Variants in TRMT1 observed in about 807,000 individuals in gnomAD.
The protein encoded by TRMT1 is tRNA methyltransferase 1, also known as tRNA (guanine(26)-N(2))-dimethyltransferase.
A neutral mutation model predicts 75.4 loss-of-function variants in TRMT1; 63 were observed. That is an observed-to-expected ratio of 0.84 (90% CI 0.68 to 1.03). TRMT1 has a LOEUF of 1.03. Ranked by LOEUF, TRMT1 falls within the 50% of genes least tolerant of loss-of-function variation. The probability of loss-of-function intolerance (pLI) is 0.00; values close to 1 mark genes in which losing one functional copy is unlikely to be tolerated. For missense variants in TRMT1, 870 were observed against 905.3 expected (o/e 0.96, Z 0.50); for synonymous variants, 382 against 358.1 (o/e 1.07, Z -0.75).
Position 13,105,389 on chromosome 19 carries a change from C to T in TRMT1, c.1711G>A (p.Ala571Thr). The T allele has an allele frequency of 6.2e-7, 1 of 1,613,710 alleles. No individual in the cohort carries two copies. ...PRPRARPGGKAADEAMEERRR... is the reference protein window; with the variant it reads ...PRPRARPGGKTADEAMEERRR... Reference sequence around the variant, plus strand: ...CTCTCCTCCATAGCTTCGTCGGCCGCCTTGCCCCTGTGCGAGGGGAGGAGT... The same window carrying T: ...CTCTCCTCCATAGCTTCGTCGGCCGTCTTGCCCCTGTGCGAGGGGAGGAGT... Residue 571 changes from alanine (A) to threonine (T), a missense_variant, in exon 16 of 17, where the codon GCG (alanine) becomes ACG (threonine). By Grantham distance (58) the Ala-to-Thr change is moderately conservative. Transcript: ENST00000357720.
At chr19:13,111,757 T>A (rs1336011294) in intron 7 of TRMT1, among the ~76,000 whole-genome samples, 1 of 149,708 alleles carries the variant, frequency 6.7e-6, no homozygotes, top group Non-Finnish European at 1.5e-5. Context: ...TGGAGTGCAG[T>A]GGCACAGTCT....
intron 7 of TRMT1, among the ~76,000 whole-genome samples, chr19:13,112,383 T>G (rs2019173193): frequency 6.6e-6 from 1 of 152,124 alleles, no homozygotes; most frequent in African/African-American, 2.4e-5. Context: ...AAAGCTAGGA[T>G]TTAAACCCAG....
chr19:13,105,706 G>C lies in TRMT1; in HGVS notation c.1584-100C>G, dbSNP rs150250800. ...TGTCCGCCTCCACAACACAGCACGA[G>C]GTGTCTGCTCATGTCAGGATTCTCT... is the stretch of plus-strand genomic sequence containing the variant. On this transcript the variant is annotated intron_variant, in intron 14 of 16. Transcript: ENST00000357720. 3.9e-4 allele frequency: 465 copies of C among 1,193,022 alleles called. 2 individuals are homozygous for C. The African/African-American group carries it at 6.5e-3, about 17-fold the overall frequency. 73.9% of individuals were successfully genotyped at this position (1,193,022 alleles called of 1,614,324 possible). A position where few individuals can be genotyped will look rare whatever the true frequency, so the allele number is the denominator to read the frequency against.
chr19:13,108,287 C>A (rs907786900), intron 12 of TRMT1, among the ~76,000 whole-genome samples: 1 of 143,198 alleles, frequency 7.0e-6, no homozygotes, highest in African/African-American at 2.6e-5. Flanking sequence ...CCGTGCCTGG[C>A]CTTCTTATTT....
At chr19:13,111,364 A>G (rs1211018170) in intron 7 of TRMT1, among the ~76,000 whole-genome samples, 1 of 146,724 alleles carries the variant, frequency 6.8e-6, no homozygotes, top group African/African-American at 2.5e-5. Flanking sequence ...CTGATCAGAC[A>G]CTCAATAGGG....
chr19:13,107,718 C>A, intron 13 of TRMT1, 33 bp downstream of exon 13: 1 of 1,559,900 alleles, frequency 6.4e-7, no homozygotes, highest in East Asian at 2.4e-5. Context: ...ACCACCTGCC[C>A]TCCCACCTGC....
At chr19:13,112,174 G>A (rs565529146) in intron 7 of TRMT1, among the ~76,000 whole-genome samples, 158 of 152,054 alleles carry the variant, frequency 1.0e-3, no homozygotes, top group African/African-American at 3.5e-3. Flanking sequence ...ATTTTTAGTA[G>A]AGATGGGGTT....
chr19:13,111,587 G>A (rs1237359432), intron 7 of TRMT1, among the ~76,000 whole-genome samples: 14 of 144,692 alleles, frequency 9.7e-5, no homozygotes, highest in South Asian at 4.4e-4. Flanking sequence ...TAGTAGAGAC[G>A]GGGTTTCACC....
intron 14 of TRMT1, 103 bp from the exon 15 acceptor site, chr19:13,105,709 G>A (rs1486453080): frequency 1.0e-5 from 12 of 1,145,302 alleles, no homozygotes; most frequent in Non-Finnish European, 1.5e-5. Flanking sequence ...AGCACGAGGT[G>A]TCTGCTCATG....
intron 12 of TRMT1, among the ~76,000 whole-genome samples, 186 bp downstream of exon 12, chr19:13,109,195 C>T (rs961818080): frequency 1.3e-5 from 2 of 151,368 alleles, no homozygotes; most frequent in South Asian, 2.1e-4. Context: ...GGTCTTACTA[C>T]GTTGCCCAGG....
intron 7 of TRMT1, among the ~76,000 whole-genome samples, chr19:13,111,225 T>C (rs1175245703): frequency 6.6e-6 from 1 of 151,480 alleles, no homozygotes; most frequent in African/African-American, 2.4e-5. Flanking sequence ...TAGGGTTTTT[T>C]TGTAGAGATG....
Position 13,107,652 on chromosome 19 carries a change from TGGGGGCAGA to T in TRMT1, c.1507-11_1507-3del, listed in dbSNP as rs768312844. 1 of 1,604,304 alleles carries T rather than the reference TGGGGGCAGA, an allele frequency of 6.2e-7. No individual in the cohort carries two copies. Among genetic ancestry groups the T allele is most frequent in the Admixed American group, 1.7e-5 (1 of 59,218 alleles). ...CCGTTTCACCGGACATTCCTTCTCCTGGGGGCAGAGGTCAGAGGTTAGGGAATACTAGGC... is the reference window on the plus strand; with the variant it reads ...CCGTTTCACCGGACATTCCTTCTCCTGGTCAGAGGTTAGGGAATACTAGGC... On this transcript the variant is annotated splice_polypyrimidine_tract_variant and splice_region_variant and intron_variant, in intron 13 of 16. Coordinates refer to ENST00000357720, the MANE Select transcript of TRMT1 (RefSeq NM_001136035.4).
At chr19:13,115,190 T>A in intron 5 of TRMT1, 89 bp downstream of exon 5, 2 of 1,414,208 alleles carry the variant, frequency 1.4e-6, no homozygotes. Flanking sequence ...AGTCACTCAC[T>A]CAAGGTCACA....
chr19:13,110,013 A>G lies in TRMT1; in HGVS notation c.1020-12T>C, dbSNP rs1370043887. The stretch of plus-strand genomic sequence containing the variant: ...CCAGCGCCTGCTTGCTGTGGGGGGT[A>G]CCAGTGGCCACGAGTTCCCAGCGTG... On this transcript the variant is annotated splice_polypyrimidine_tract_variant and intron_variant, in intron 8 of 16. Coordinates refer to ENST00000357720, the MANE Select transcript of TRMT1 (RefSeq NM_001136035.4). 1 of 1,612,828 alleles carries G rather than the reference A, an allele frequency of 6.2e-7. No homozygotes were observed. Among genetic ancestry groups the G allele is most frequent in the South Asian group, 1.1e-5 (1 of 91,074 alleles).
chr19:13,115,238 C>A, intron 5 of TRMT1, 41 bp downstream of exon 5: 1 of 1,563,824 alleles, frequency 6.4e-7, no homozygotes, highest in South Asian at 1.2e-5. Context: ...TGACCCCAGG[C>A]AGGCTTGTCC....
In TRMT1 at chr19:13,107,660, G is replaced by A. The variant is rs1314761745; in HGVS notation, c.1507-10C>T. On this transcript the variant is annotated splice_polypyrimidine_tract_variant and intron_variant, in intron 13 of 16. Transcript: ENST00000357720. ...CCGGACATTCCTTCTCCTGGGGGCA[G>A]AGGTCAGAGGTTAGGGAATACTAGG... 3 of 1,600,352 alleles carry A rather than the reference G, an allele frequency of 1.9e-6. No homozygotes were observed. The African/African-American group carries it at 4.0e-5, about 21-fold the overall frequency.
In TRMT1 at chr19:13,115,368, A is replaced by G. The variant is rs1400888288; in HGVS notation, c.552T>C (p.Asp184=). 7 of 1,614,002 alleles carry G rather than the reference A, an allele frequency of 4.3e-6. No individual in the cohort carries two copies. The highest frequency in any genetic ancestry group is 1.7e-5 in the Admixed American group (1 of 59,994). Reference sequence around the variant, plus strand: ...TGAGATCCACAGCCCGGGTGGAGGCATCGTTTGCAACCACAGATCTGAGCC... The same window carrying G: ...TGAGATCCACAGCCCGGGTGGAGGCGTCGTTTGCAACCACAGATCTGAGCC... ...VPGLRSVVAN[D]ASTRAVDLIR... Residue 184 remains aspartate (D), a synonymous_variant, in exon 5 of 17, where the codon GAT becomes GAC. Coordinates refer to ENST00000357720, the MANE Select transcript of TRMT1 (RefSeq NM_001136035.4).
chr19:13,110,231 T>G lies in TRMT1; in HGVS notation c.946A>C (p.Ile316Leu). 1 of 1,605,512 alleles carries G rather than the reference T, an allele frequency of 6.2e-7. No homozygotes were observed. The highest frequency in any genetic ancestry group is 1.3e-5 in the African/African-American group (1 of 74,680). The change falls in exon 8 of 17, where the codon ATC becomes CTC. Residue 316 changes from isoleucine (I) to leucine (L), a missense_variant. Transcript: ENST00000357720. ...YQRFVVPLLS[I>L]SADFYVRVFV... is the part of the protein sequence containing the mutation. ...ACACGCACGTAGAAGTCAGCGCTGA[T>G]GCTGAGCAGCGGCACCACGAAGCGC...
chr19:13,111,235 G>T (rs970954046), intron 7 of TRMT1, among the ~76,000 whole-genome samples: 1 of 151,608 alleles, frequency 6.6e-6, no homozygotes, highest in Non-Finnish European at 1.5e-5. Flanking sequence ...TTGTAGAGAT[G>T]GGGTCCTCGC....
Sources: gnomAD v4.1 joint callset for allele counts (sites outside exome capture counted in the v4.1 genomes callset) on GRCh38, gnomAD v4.1.1 for gene constraint, MANE v1.5 for transcripts, NCBI Gene and HGNC (gene_info 2026-07-23, HGNC 2026-07-21) for gene names.